Variants in MGMT observed in about 807,000 individuals in gnomAD.
MGMT encodes the protein O-6-methylguanine-DNA methyltransferase, also known as methylated-DNA--protein-cysteine methyltransferase.
A neutral mutation model predicts 15.9 loss-of-function variants in MGMT; 14 were observed. The observed-to-expected ratio is 0.88, with a 90% confidence interval of 0.58 to 1.37. The LOEUF is 1.37. MGMT is among the 40% of genes most tolerant of loss of function. The pLI is 0.00. For synonymous variants in MGMT, 130 were observed against 118.2 expected (o/e 1.10, Z -0.65); for missense variants, 282 against 268.1 (o/e 1.05, Z -0.36).
At chr10:129,520,230 T>C (rs376508073) in intron 1 of MGMT, among the ~76,000 whole-genome samples, 1 of 152,132 alleles carries the variant, frequency 6.6e-6, no homozygotes, top group Admixed American at 6.5e-5. Context: ...GCCAGAAATA[T>C]TTCTGGCTCT....
At chr10:129,766,433 G>A (rs549798375) in intron 4 of MGMT, among the ~76,000 whole-genome samples, 2 of 152,284 alleles carry the variant, frequency 1.3e-5, no homozygotes, top group African/African-American at 2.4e-5. Context: ...ACCAGAACTC[G>A]GAAACGTAGT....
At chr10:129,688,858 G>A (rs1847939444) in intron 2 of MGMT, among the ~76,000 whole-genome samples, 1 of 152,104 alleles carries the variant, frequency 6.6e-6, no homozygotes, top group African/African-American at 2.4e-5. Flanking sequence ...CAGACCTGAG[G>A]GACATCATCA....
At chr10:129,578,268 A>G (rs991451094) in intron 2 of MGMT, among the ~76,000 whole-genome samples, 14 of 152,138 alleles carry the variant, frequency 9.2e-5, no homozygotes, top group Admixed American at 5.9e-4. Flanking sequence ...CAATAGCAAA[A>G]ACTCGGAACC....
chr10:129,638,429 C>CAAAAAAAAAAAA lies in MGMT; in HGVS notation c.126-69461_126-69450dup. Among the ~76,000 whole-genome samples the CAAAAAAAAAAAA allele has an allele frequency of 6.4e-3, 395 of 61,576 alleles. 20 individuals carry two copies. Among genetic ancestry groups the CAAAAAAAAAAAA allele is most frequent in the Non-Finnish European group, 8.2e-3 (250 of 30,626 alleles). The allele number at this position is 61,576 out of a possible 152,430, so 40.4% of individuals were successfully genotyped here. A position where few individuals can be genotyped will look rare whatever the true frequency, so the allele number is the denominator to read the frequency against. On this transcript the variant is annotated intron_variant, in intron 2 of 4. Transcript: ENST00000651593. Reference sequence around the variant, plus strand: ...GAAGTCCAAGAGAGGACCAAAGAGGCAAAAAAAAAAAAAAAAGAAAAAAAA... The same window carrying CAAAAAAAAAAAA: ...GAAGTCCAAGAGAGGACCAAAGAGGCAAAAAAAAAAAAAAAAAAAAAAAAAAAAGAAAAAAAA...
intron 1 of MGMT, among the ~76,000 whole-genome samples, chr10:129,495,041 A>G (rs941857337): frequency 2.0e-5 from 3 of 152,228 alleles, no homozygotes; most frequent in African/African-American, 4.8e-5. Flanking sequence ...TGCAAAACCC[A>G]TTTAAATAAA....
chr10:129,658,220 T>C (rs1309263975), intron 2 of MGMT, among the ~76,000 whole-genome samples: 2 of 152,130 alleles, frequency 1.3e-5, no homozygotes, highest in African/African-American at 4.8e-5. Flanking sequence ...ATTCTACAGG[T>C]GATTGCCCTG....
At chr10:129,645,193 C>T (rs537641833) in intron 2 of MGMT, among the ~76,000 whole-genome samples, 1 of 147,788 alleles carries the variant, frequency 6.8e-6, no homozygotes, top group East Asian at 2.0e-4. Context: ...GATCTTGGCT[C>T]ACTGCAACCT....
At chr10:129,728,661 A>G (rs1848460948) in intron 3 of MGMT, among the ~76,000 whole-genome samples, 1 of 151,596 alleles carries the variant, frequency 6.6e-6, no homozygotes, top group Admixed American at 6.6e-5. Context: ...CCCTCCCGCC[A>G]CTGCCCGCCT....
intron 1 of MGMT, among the ~76,000 whole-genome samples, chr10:129,481,055 G>A (rs1308537712): frequency 6.6e-6 from 1 of 152,248 alleles, no homozygotes; most frequent in Non-Finnish European, 1.5e-5. Context: ...GCATTCTGAA[G>A]TGAACCTGCC....
chr10:129,493,386 A>C (rs1845488994), intron 1 of MGMT, among the ~76,000 whole-genome samples: 1 of 151,624 alleles, frequency 6.6e-6, no homozygotes, highest in Non-Finnish European at 1.5e-5. Context: ...GCCCTGGCTT[A>C]CTCTCCTTTT....
chr10:129,650,383 C>G (rs529680298), intron 2 of MGMT, among the ~76,000 whole-genome samples: 13 of 152,316 alleles, frequency 8.5e-5, no homozygotes, highest in Admixed American at 3.3e-4. Context: ...ATGTGCAGGT[C>G]TGTGACCTAA....
intron 2 of MGMT, among the ~76,000 whole-genome samples, chr10:129,597,436 C>T (rs561203577): frequency 8.6e-5 from 13 of 151,904 alleles, no homozygotes; most frequent in African/African-American, 2.7e-4. Context: ...AGTTTAGTTT[C>T]GTCATTTTTA....
chr10:129,655,167 G>A (rs187353169), intron 2 of MGMT, among the ~76,000 whole-genome samples: 2 of 152,312 alleles, frequency 1.3e-5, no homozygotes, highest in Non-Finnish European at 2.9e-5. Flanking sequence ...AGCCAGTGTA[G>A]GGGTGGGACA....
chr10:129,557,625 G>A lies in MGMT; in HGVS notation c.125+21248G>A, dbSNP rs183936639. Reference sequence around the variant, plus strand: ...AATGCAGAAATCTCTGGATTTTTATGTCGGTGTTTATAAAGCATTTTAATG... The same window carrying A: ...AATGCAGAAATCTCTGGATTTTTATATCGGTGTTTATAAAGCATTTTAATG... On this transcript the variant is annotated intron_variant, in intron 2 of 4. Transcript: ENST00000651593. 1.4e-3 allele frequency among the ~76,000 whole-genome samples: 220 copies of A among 152,276 alleles called. 1 individual carries two copies. The highest frequency in any genetic ancestry group is 5.0e-3 in the African/African-American group (207 of 41,556).
chr10:129,675,064 C>T (rs957833571), intron 2 of MGMT, among the ~76,000 whole-genome samples: 4 of 152,164 alleles, frequency 2.6e-5, no homozygotes, highest in African/African-American at 2.4e-5. Flanking sequence ...TAAGAGCTCA[C>T]GAGTGCCTGT....
At chr10:129,467,412 T>G in intron 1 of MGMT, 116 bp downstream of exon 1, 1 of 1,374,568 alleles carries the variant, frequency 7.3e-7, no homozygotes, top group Middle Eastern at 2.0e-4. Flanking sequence ...GGGGCCGCCC[T>G]GACCCCCACC....
At chr10:129,737,467 C>T (rs1469991601) in intron 3 of MGMT, among the ~76,000 whole-genome samples, 1 of 152,134 alleles carries the variant, frequency 6.6e-6, no homozygotes, top group African/African-American at 2.4e-5. Context: ...AAATTTTTTT[C>T]AAAGTTTTCA....
rs59599860 is a variant in MGMT, at chr10:129,687,809, C to T, written c.126-20086C>T. ...GTGTGCTGCACCCATTAACTCATCA[C>T]TTACATTAGGTATATCTCCTAATGC... On this transcript the variant is annotated intron_variant, in intron 2 of 4. Transcript: ENST00000651593. Among the ~76,000 whole-genome samples, 1,088 of 151,812 alleles carry T rather than the reference C, an allele frequency of 7.2e-3. 14 individuals are homozygous for T. The highest frequency in any genetic ancestry group is 0.024 in the African/African-American group (985 of 41,346).
At chr10:129,524,171 G>A (rs990031155) in intron 1 of MGMT, among the ~76,000 whole-genome samples, 1 of 152,178 alleles carries the variant, frequency 6.6e-6, no homozygotes, top group African/African-American at 2.4e-5. Flanking sequence ...GCACGGGGAC[G>A]GCTCCAGGGT....
Sources: gnomAD v4.1 joint callset for allele counts (sites outside exome capture counted in the v4.1 genomes callset) on GRCh38, gnomAD v4.1.1 for gene constraint, MANE v1.5 for transcripts, NCBI Gene and HGNC (gene_info 2026-07-23, HGNC 2026-07-21) for gene names.